NDUFAF6: variants seen among roughly 807,000 people sequenced by gnomAD.
NDUFAF6 encodes the protein NADH:ubiquinone oxidoreductase complex assembly factor 6.
Under a neutral mutation model 40.8 loss-of-function variants are expected in NDUFAF6, and 45 were observed. The observed-to-expected ratio is 1.10, with a 90% CI of 0.87 to 1.42. NDUFAF6 has a LOEUF of 1.42. Among genes scored for constraint, NDUFAF6 ranks in the 40% most tolerant of loss-of-function variants. The probability of loss-of-function intolerance (pLI) is 0.00; values close to 1 mark genes in which losing one functional copy is unlikely to be tolerated. For synonymous variants in NDUFAF6, 185 were observed against 155.9 expected, an observed-to-expected ratio of 1.19 and a Z score of -1.39; for missense variants, 435 against 418.5, an observed-to-expected ratio of 1.04 and a Z score of -0.34.
At chr8:95,059,045 G>A (rs959282433), downstream of NDUFAF6, among the ~76,000 whole-genome samples, 32 of 151,976 alleles carry the variant, frequency 2.1e-4, no homozygotes, top group African/African-American at 6.5e-4. Context: ...AAAGACAAAC[G>A]AATAATAATT....
chr8:95,068,676 C>A (rs1177444831), intron 9 of NDUFAF6: 1 of 151,870 alleles, frequency 6.6e-6, no homozygotes, highest in Non-Finnish European at 1.5e-5. Flanking sequence ...AGGGCGCTTC[C>A]ACTTGAGACA....
intron 7 of NDUFAF6, among the ~76,000 whole-genome samples, chr8:95,050,027 C>T (rs1831254084): frequency 6.6e-6 from 1 of 152,110 alleles, no homozygotes; most frequent in Non-Finnish European, 1.5e-5. Flanking sequence ...CAGTTCTCGG[C>T]CCTGACAGAG....
At chr8:95,058,775 C>G (rs1172249027), downstream of NDUFAF6, 1 of 986,960 alleles carries the variant, frequency 1.0e-6, no homozygotes, top group Non-Finnish European at 1.2e-6. Flanking sequence ...ATACTTGCAT[C>G]AGTGTTCTCA....
intron 3 of NDUFAF6, 80 bp downstream of exon 3, chr8:95,035,656 G>C: frequency 1.5e-6 from 2 of 1,321,848 alleles, no homozygotes; most frequent in Non-Finnish European, 2.1e-6. Flanking sequence ...TTTGGGTACT[G>C]GTGATTATAG....
chr8:95,035,950 T>C (rs1829454110), intron 3 of NDUFAF6, among the ~76,000 whole-genome samples: 1 of 152,232 alleles, frequency 6.6e-6, no homozygotes, highest in African/African-American at 2.4e-5. Flanking sequence ...AATCCAGGTT[T>C]TGGGCATACC....
At chr8:95,086,603 CT>C (rs140726768) in intron 2 of NDUFAF6, among the ~76,000 whole-genome samples, 5,181 of 135,948 alleles carry the variant, frequency 0.038, 126 homozygotes, top group Middle Eastern at 0.059. Context: ...CTTTTCTTTT[CT>C]TTTTTTTTTT....
intron 1 of NDUFAF6, among the ~76,000 whole-genome samples, chr8:95,031,509 A>G (rs1828836360): frequency 6.6e-6 from 1 of 152,210 alleles, no homozygotes; most frequent in Admixed American, 6.5e-5. Context: ...ATTGATAGAG[A>G]TTAGGTGGCA....
At chr8:95,088,995 C>G (rs1383457181) in intron 2 of NDUFAF6, among the ~76,000 whole-genome samples, 1 of 152,024 alleles carries the variant, frequency 6.6e-6, no homozygotes, top group Non-Finnish European at 1.5e-5. Flanking sequence ...CTTCTGACCT[C>G]AAATGATTCA....
At chr8:94,978,743 A>G (rs1825174121) in intron 1 of NDUFAF6, among the ~76,000 whole-genome samples, 1 of 152,104 alleles carries the variant, frequency 6.6e-6, no homozygotes, top group South Asian at 2.1e-4. Context: ...GCTGGCAAAC[A>G]TAGGTAAACA....
At chr8:94,940,841 A>G (rs1821460265) in intron 1 of NDUFAF6, 1 of 1,612,594 alleles carries the variant, frequency 6.2e-7, no homozygotes, top group Admixed American at 1.7e-5. Context: ...TATGAAGTCA[A>G]CAAGAATCCA....
chr8:94,900,516 C>T (rs935496087), intron 1 of NDUFAF6, among the ~76,000 whole-genome samples: 2 of 152,108 alleles, frequency 1.3e-5, no homozygotes, highest in Admixed American at 6.5e-5. Context: ...ACGTAGACAG[C>T]GCACCTCAGA....
chr8:95,064,065 G>GTTT (rs1369326100), intron 9 of NDUFAF6, among the ~76,000 whole-genome samples: 9 of 131,986 alleles, frequency 6.8e-5, no homozygotes, highest in African/African-American at 1.4e-4. Flanking sequence ...TTTTTTTTTG[G>GTTT]ATTTTTACTA....
chr8:94,958,539 T>TTTC (rs1307502175), intron 1 of NDUFAF6, among the ~76,000 whole-genome samples: 2 of 139,240 alleles, frequency 1.4e-5, no homozygotes, highest in African/African-American at 5.5e-5. Flanking sequence ...TTTTTTTTTT[T>TTTC]TTTTTTTTTT....
chr8:95,042,291 C>A (rs1427602027), intron 4 of NDUFAF6, among the ~76,000 whole-genome samples: 3 of 152,240 alleles, frequency 2.0e-5, no homozygotes, highest in Admixed American at 2.0e-4. Flanking sequence ...GTCTGTGTTC[C>A]CCTTGGCCTG....
rs909017152 is a variant in NDUFAF6 at position 95,058,368 on chromosome 8, A to G, written c.*431A>G. ...CCTAGGTGTTCAGAACACCTGGAAG[A>G]TGCATTTATTTAGGGGTCACAAATA... On this transcript the variant is annotated 3_prime_UTR_variant, in exon 9 of 9. Transcript: ENST00000396124. The G allele has an allele frequency of 4.0e-6, 5 of 1,235,192 alleles. No individual in the cohort carries two copies. The highest frequency in any genetic ancestry group is 5.1e-6 in the Non-Finnish European group (5 of 990,060). The allele number at this position is 1,235,192 out of a possible 1,614,324, so 76.5% of individuals were successfully genotyped here.
chr8:95,051,846 C>G (rs1014734411), intron 7 of NDUFAF6, among the ~76,000 whole-genome samples: 5 of 152,164 alleles, frequency 3.3e-5, no homozygotes, highest in African/African-American at 1.2e-4. Context: ...TCAGTCTAAG[C>G]TAGGGGTGCA....
At chr8:94,983,990 A>G (rs1825644729) in intron 2 of NDUFAF6, 2 of 152,138 alleles carry the variant, frequency 1.3e-5, no homozygotes, top group African/African-American at 2.4e-5. Flanking sequence ...TCTGTCTCCA[A>G]TCTTGGGGAC....
chr8:94,936,923 GAGAC>G (rs1242995864), intron 1 of NDUFAF6, among the ~76,000 whole-genome samples: 1 of 152,226 alleles, frequency 6.6e-6, no homozygotes, highest in East Asian at 1.9e-4. Context: ...GCCAGCAAAA[GAGAC>G]AGACTACTGA....
At chr8:95,036,615 A>C (rs1022834451) in intron 3 of NDUFAF6, 31 of 791,092 alleles carry the variant, frequency 3.9e-5, no homozygotes, top group African/African-American at 5.5e-5. Flanking sequence ...TTTACACCTA[A>C]ATCGGAGTAT....
Sources: gnomAD v4.1 joint callset for allele counts (sites outside exome capture counted in the v4.1 genomes callset) on GRCh38, gnomAD v4.1.1 for gene constraint, MANE v1.5 for transcripts, NCBI Gene and HGNC (gene_info 2026-07-23, HGNC 2026-07-21) for gene names.